The following MECOM variants were observed in gnomAD, a reference collection of about 807,000 sequenced individuals.
MECOM encodes the protein histone-lysine N-methyltransferase MECOM.
MECOM carries 13 observed loss-of-function variants against 116.3 expected under a neutral mutation model. That is an observed-to-expected ratio of 0.11 (90% CI 0.07 to 0.18). The LOEUF (loss-of-function observed/expected upper bound fraction) is 0.18. MECOM is among the 10% of genes least tolerant of loss of function. MECOM has a pLI of 1.00. For synonymous variants in MECOM, 528 were observed against 535.2 expected (o/e 0.99, Z 0.19); for missense variants, 1,299 against 1,509.0 (o/e 0.86, Z 2.31).
chr3:169,290,958 C>T (rs1714438034), intron 2 of MECOM, among the ~76,000 whole-genome samples: 2 of 152,256 alleles, frequency 1.3e-5, no homozygotes, highest in South Asian at 4.2e-4. Context: ...ACACTCCATA[C>T]TTTCATTTAC....
intron 10 of MECOM, among the ~76,000 whole-genome samples, chr3:169,105,421 C>T (rs767094876): frequency 1.3e-5 from 2 of 152,122 alleles, no homozygotes; most frequent in African/African-American, 4.8e-5. Flanking sequence ...CCAAAAGTAA[C>T]ACTTTTTTGC....
chr3:169,115,960 A>G lies in MECOM; in HGVS notation c.1912T>C (p.Tyr638His), dbSNP rs959054557. ...GGTGAGAAAATGGAATGATTGCTGT[A>G]TTCTTTCTTATTATTTATTGAAGCC... ...NLASINNKKE[Y>H]SNHSIFSPSL... The change falls in exon 8 of 17, where the codon TAC becomes CAC. Residue 638 changes from tyrosine (Y) to histidine (H), a missense_variant. Physicochemically the swap from Tyr to His is moderately conservative, Grantham distance 83 (BLOSUM62 2). This residue lies in a region of MECOM where 238 missense variants were observed against 273.1 expected (regional missense o/e 0.87). Coordinates refer to ENST00000651503, the MANE Select transcript of MECOM (RefSeq NM_004991.4). 6.2e-7 allele frequency: 1 copy of G among 1,614,112 alleles called. No homozygotes were observed. The highest frequency in any genetic ancestry group is 1.3e-5 in the African/African-American group (1 of 75,044).
intron 2 of MECOM, among the ~76,000 whole-genome samples, chr3:169,244,846 A>C (rs966552647): frequency 6.6e-6 from 1 of 152,228 alleles, no homozygotes; most frequent in Non-Finnish European, 1.5e-5. Flanking sequence ...CAGAAAGAGA[A>C]GATTGCCACA....
At chr3:169,475,728 C>G (rs974397695) in intron 1 of MECOM, among the ~76,000 whole-genome samples, 5 of 151,930 alleles carry the variant, frequency 3.3e-5, no homozygotes, top group Admixed American at 3.3e-4. Flanking sequence ...TGTAAAGTAC[C>G]TAGCTTGCCA....
chr3:169,532,894 C>T (rs1196043158), intron 1 of MECOM, among the ~76,000 whole-genome samples: 2 of 151,928 alleles, frequency 1.3e-5, no homozygotes, highest in African/African-American at 2.4e-5. Context: ...ATGGATTTTG[C>T]TTCTTAAAGG....
chr3:169,624,940 A>G (rs756278545), intron 1 of MECOM, among the ~76,000 whole-genome samples: 1 of 152,074 alleles, frequency 6.6e-6, no homozygotes, highest in Non-Finnish European at 1.5e-5. Flanking sequence ...TGTCACTGAC[A>G]AGGAATTTCT....
intron 3 of MECOM, 33 bp from the exon 4 acceptor site, chr3:169,131,564 G>C: frequency 6.5e-7 from 1 of 1,535,896 alleles, no homozygotes; most frequent in South Asian, 1.2e-5. Context: ...GATGGAATCA[G>C]GAAAGAGAGA....
intron 2 of MECOM, among the ~76,000 whole-genome samples, chr3:169,187,890 GCTGT>G (rs1156478294): frequency 2.0e-5 from 3 of 152,040 alleles, no homozygotes; most frequent in South Asian, 2.1e-4. Context: ...GCACACTGGG[GCTGT>G]CTAACTTGTA....
chr3:169,192,478 C>A (rs1005646609), intron 2 of MECOM, among the ~76,000 whole-genome samples: 1 of 151,932 alleles, frequency 6.6e-6, no homozygotes, highest in African/African-American at 2.4e-5. Context: ...AAAATTATGG[C>A]AAATGTGCTA....
intron 2 of MECOM, among the ~76,000 whole-genome samples, chr3:169,167,769 ACT>A (rs989641759): frequency 6.6e-6 from 1 of 152,062 alleles, no homozygotes; most frequent in African/African-American, 2.4e-5. Context: ...ATACACAGAC[ACT>A]CACACACACA....
At chr3:169,213,176 A>G (rs1750997576) in intron 2 of MECOM, among the ~76,000 whole-genome samples, 1 of 152,006 alleles carries the variant, frequency 6.6e-6, no homozygotes, top group Non-Finnish European at 1.5e-5. Flanking sequence ...GAGGGCAAAA[A>G]TAGTTATCTC....
intron 2 of MECOM, among the ~76,000 whole-genome samples, chr3:169,370,029 C>A (rs936805196): frequency 6.6e-6 from 1 of 152,008 alleles, no homozygotes; most frequent in Middle Eastern, 3.4e-3. Flanking sequence ...AGTGCACTTG[C>A]TTTCTCATAA....
At chr3:169,552,986 GACA>G (rs1263644215) in intron 1 of MECOM, among the ~76,000 whole-genome samples, 1 of 151,588 alleles carries the variant, frequency 6.6e-6, no homozygotes, top group Non-Finnish European at 1.5e-5. Flanking sequence ...ATATTTTATA[GACA>G]ACAAGTAGGA....
At chr3:169,237,643 C>A (rs897233342) in intron 2 of MECOM, among the ~76,000 whole-genome samples, 2 of 142,654 alleles carry the variant, frequency 1.4e-5, no homozygotes, top group African/African-American at 5.1e-5. Context: ...AAATGTGGCA[C>A]TTACTGTTGT....
chr3:169,641,810 C>T (rs1032604657), intron 1 of MECOM, among the ~76,000 whole-genome samples: 4 of 151,954 alleles, frequency 2.6e-5, no homozygotes, highest in African/African-American at 7.3e-5. Context: ...GGTCTTCTGA[C>T]AATATGATAT....
At chr3:169,308,898 C>T (rs1577667674) in intron 2 of MECOM, among the ~76,000 whole-genome samples, 2 of 152,172 alleles carry the variant, frequency 1.3e-5, no homozygotes, top group Non-Finnish European at 1.5e-5. Flanking sequence ...CCAGACATTT[C>T]CCTTTCAGAT....
At chr3:169,378,505 GAA>G (rs1560197767) in intron 2 of MECOM, among the ~76,000 whole-genome samples, 16 of 23,410 alleles carry the variant, frequency 6.8e-4, no homozygotes, top group East Asian at 3.2e-3. Context: ...AAGAAAGAAA[GAA>G]AGAAAGAAAA....
At chr3:169,408,708 C>T (rs953496041) in intron 1 of MECOM, among the ~76,000 whole-genome samples, 4 of 152,118 alleles carry the variant, frequency 2.6e-5, no homozygotes, top group African/African-American at 4.8e-5. Flanking sequence ...GCAGGCACTA[C>T]GGACATAAAC....
intron 1 of MECOM, among the ~76,000 whole-genome samples, chr3:169,399,130 T>C (rs1245777290): frequency 2.0e-5 from 3 of 152,220 alleles, no homozygotes; most frequent in Non-Finnish European, 2.9e-5. Flanking sequence ...TGATTTCCAG[T>C]GACTTTAGGG....
Sources: gnomAD v4.1 joint callset for allele counts (sites outside exome capture counted in the v4.1 genomes callset) on GRCh38, gnomAD v4.1.1 for gene constraint, gnomAD v4.1.1 regional missense constraint, MANE v1.5 for transcripts, NCBI Gene and HGNC (gene_info 2026-07-23, HGNC 2026-07-21) for gene names.